The following DLGAP2 variants were observed in gnomAD, a reference collection of about 807,000 sequenced individuals.
The protein encoded by DLGAP2 is disks large-associated protein 2.
Under a neutral mutation model 100.3 loss-of-function variants are expected in DLGAP2, and 26 were observed. The observed-to-expected ratio is 0.26, with a 90% CI of 0.19 to 0.36. The LOEUF (loss-of-function observed/expected upper bound fraction) is 0.36. DLGAP2 is among the 10% of genes least tolerant of loss of function. DLGAP2 has a pLI of 1.00. For missense variants in DLGAP2, 1,858 were observed against 1,453.2 expected, an observed-to-expected ratio of 1.28 and a Z score of -4.53; for synonymous variants, 886 against 630.1, an observed-to-expected ratio of 1.41 and a Z score of -6.08.
At chr8:1,391,079 AAGTC>A (rs1418001823) in intron 3 of DLGAP2, among the ~76,000 whole-genome samples, 1 of 152,222 alleles carries the variant, frequency 6.6e-6, no homozygotes, top group Non-Finnish European at 1.5e-5. Context: ...GAGTTGGACT[AAGTC>A]AGAAGAAAGA....
At chr8:1,597,496 A>C (rs544267034) in intron 6 of DLGAP2, among the ~76,000 whole-genome samples, 79 of 152,182 alleles carry the variant, frequency 5.2e-4, no homozygotes, top group African/African-American at 1.8e-3. Context: ...CTTCCTATCC[A>C]TGATCATGGA....
In DLGAP2 at chr8:1,706,711, A is replaced by G. The variant is rs185407856; in HGVS notation, c.*5305A>G. ...GATGAAATGAGGAGATAAACTAAAC[A>G]TTAAAATGATGAAGGAAAAAAAATT... On this transcript the variant is annotated 3_prime_UTR_variant, in exon 15 of 15. Transcript: ENST00000637795. The G allele has an allele frequency of 1.3e-5, 2 of 152,340 alleles. No homozygotes were observed. The highest frequency in any genetic ancestry group is 2.4e-5 in the African/African-American group (1 of 41,582). The allele number at this position is 152,340 out of a possible 1,614,324, so 9.4% of individuals were successfully genotyped here. A position where few individuals can be genotyped will look rare whatever the true frequency, so the allele number is the denominator to read the frequency against.
At chr8:1,426,312 C>A (rs556069543) in intron 3 of DLGAP2, among the ~76,000 whole-genome samples, 50 of 152,188 alleles carry the variant, frequency 3.3e-4, no homozygotes, top group African/African-American at 1.2e-3. Flanking sequence ...TGGGAAGGAC[C>A]GACTCCAGAC....
intron 3 of DLGAP2, among the ~76,000 whole-genome samples, chr8:1,483,763 C>T (rs1178293805): frequency 4.0e-5 from 6 of 151,284 alleles, no homozygotes; most frequent in African/African-American, 7.3e-5. Context: ...GAGGCATGTG[C>T]AGGACATGGG....
intron 4 of DLGAP2, among the ~76,000 whole-genome samples, chr8:1,541,946 A>T (rs1329665588): frequency 6.6e-6 from 1 of 152,248 alleles, no homozygotes; most frequent in Non-Finnish European, 1.5e-5. Flanking sequence ...AAAGAGATGT[A>T]TATGACTGTC....
In DLGAP2 at chr8:1,149,971, C is replaced by G. The variant is rs777959131; in HGVS notation, c.74-108880C>G. Among the ~76,000 whole-genome samples, 3 of 152,154 alleles carry G rather than the reference C, an allele frequency of 2.0e-5. No individual in the cohort carries two copies. In the East Asian group the frequency reaches 5.8e-4, roughly 29 times the overall value. ...CCTGCTCTGTGTTTAGCCACAGATA[C>G]GAATTCTGTATGTATGTTTAAGGTC... On this transcript the variant is annotated intron_variant, in intron 2 of 14. Coordinates refer to ENST00000637795, the MANE Select transcript of DLGAP2 (RefSeq NM_001346810.2).
chr8:1,432,322 T>C (rs1797474812), intron 3 of DLGAP2, among the ~76,000 whole-genome samples: 1 of 152,240 alleles, frequency 6.6e-6, no homozygotes, highest in Non-Finnish European at 1.5e-5. Context: ...AAACTGCTTT[T>C]ATATTCAAGA....
intron 5 of DLGAP2, among the ~76,000 whole-genome samples, chr8:1,553,015 A>G (rs995732263): frequency 1.3e-5 from 2 of 152,134 alleles, no homozygotes; most frequent in African/African-American, 4.8e-5. Context: ...TTAGCTCAGG[A>G]TGCCAAAGGC....
intron 1 of DLGAP2, among the ~76,000 whole-genome samples, chr8:816,606 T>G (rs962880368): frequency 6.6e-6 from 1 of 152,130 alleles, no homozygotes; most frequent in African/African-American, 2.4e-5. Flanking sequence ...TCTGATAGGT[T>G]TTCCTTTATA....
At chr8:1,318,271 A>G (rs1800812769) in intron 3 of DLGAP2, among the ~76,000 whole-genome samples, 1 of 152,242 alleles carries the variant, frequency 6.6e-6, no homozygotes, top group East Asian at 1.9e-4. Context: ...TCGTGGCAAC[A>G]ACATGAAATA....
chr8:1,415,560 G>C (rs1796859993), intron 3 of DLGAP2, among the ~76,000 whole-genome samples: 1 of 152,174 alleles, frequency 6.6e-6, no homozygotes, highest in Admixed American at 6.5e-5. Flanking sequence ...AGAACACGTG[G>C]TGTCTGGCTT....
chr8:1,529,659 A>C (rs1163604772), intron 4 of DLGAP2, among the ~76,000 whole-genome samples: 1 of 152,234 alleles, frequency 6.6e-6, no homozygotes, highest in Non-Finnish European at 1.5e-5. Flanking sequence ...AAAATTACAG[A>C]AGTTAAGCTT....
intron 2 of DLGAP2, among the ~76,000 whole-genome samples, chr8:973,321 C>T (rs140985419): frequency 0.015 from 2,343 of 151,830 alleles, 74 homozygotes; most frequent in African/African-American, 0.054. Flanking sequence ...CCAGACAGGG[C>T]GGCTGCCGGG....
chr8:797,294 T>G (rs1436695620), intron 1 of DLGAP2, among the ~76,000 whole-genome samples: 1 of 152,228 alleles, frequency 6.6e-6, no homozygotes, highest in Admixed American at 6.5e-5. Context: ...CTTAAAAAAA[T>G]GGATTCATAG....
At chr8:1,564,677 C>T (rs1020428280) in intron 5 of DLGAP2, among the ~76,000 whole-genome samples, 1 of 152,182 alleles carries the variant, frequency 6.6e-6, no homozygotes, top group Non-Finnish European at 1.5e-5. Flanking sequence ...ATAATACGCA[C>T]GGGTGCTGAG....
intron 2 of DLGAP2, among the ~76,000 whole-genome samples, chr8:1,214,119 C>A (rs2116794647): frequency 6.6e-6 from 1 of 152,298 alleles, no homozygotes; most frequent in East Asian, 1.9e-4. Context: ...TTGCGTCTTA[C>A]CACACTTTCT....
chr8:1,677,127 T>C (rs1271491358), intron 11 of DLGAP2, among the ~76,000 whole-genome samples: 1 of 152,224 alleles, frequency 6.6e-6, no homozygotes, highest in Non-Finnish European at 1.5e-5. Flanking sequence ...ATAGCATGTA[T>C]TGTCTATTTC....
In DLGAP2 at chr8:1,067,410, G is replaced by A. The variant is rs1803289016; in HGVS notation, c.73+159444G>A. Among the ~76,000 whole-genome samples the A allele has an allele frequency of 3.3e-5, 5 of 152,312 alleles. No homozygotes were observed. In the South Asian group the frequency reaches 1.0e-3, roughly 32 times the overall value. ...AGGAGCATCACCTGGTGCCTGGGAA[G>A]CTGCAGGCTCCTGAGTGTACTTGGG... On this transcript the variant is annotated intron_variant, in intron 2 of 14. Coordinates refer to ENST00000637795, the MANE Select transcript of DLGAP2 (RefSeq NM_001346810.2).
At chr8:1,173,401 C>A (rs905101598) in intron 2 of DLGAP2, among the ~76,000 whole-genome samples, 1 of 152,192 alleles carries the variant, frequency 6.6e-6, no homozygotes, top group African/African-American at 2.4e-5. Flanking sequence ...AGAACCACTG[C>A]TCTCTTCAAA....
Sources: allele counts gnomAD v4.1 joint callset (sites outside exome capture counted in the v4.1 genomes callset), GRCh38; gene constraint gnomAD v4.1.1; transcripts MANE v1.5; gene names NCBI Gene and HGNC (gene_info 2026-07-23, HGNC 2026-07-21).